Variants in AP3B1 observed in about 807,000 individuals in gnomAD.
The protein encoded by AP3B1 is AP-3 complex subunit beta-1.
AP3B1 carries 61 observed loss-of-function variants against 132.5 expected under a neutral mutation model. The observed-to-expected ratio is 0.46, with a 90% CI of 0.37 to 0.57. AP3B1 has a LOEUF of 0.57. Among genes scored for constraint, AP3B1 ranks in the 20% least tolerant of loss-of-function variants. The probability of loss-of-function intolerance (pLI) is 0.00; values close to 1 mark genes in which losing one functional copy is unlikely to be tolerated. For missense variants in AP3B1, 1,120 were observed against 1,289.4 expected, an observed-to-expected ratio of 0.87 and a Z score of 2.01; for synonymous variants, 388 against 438.3, an observed-to-expected ratio of 0.89 and a Z score of 1.43.
intron 1 of AP3B1, among the ~76,000 whole-genome samples, chr5:78,292,786 G>A (rs779813933): frequency 6.6e-6 from 1 of 151,288 alleles, no homozygotes; most frequent in Non-Finnish European, 1.5e-5. Flanking sequence ...CAACCTGTTA[G>A]GTCACCTCAA....
At chr5:78,168,083 G>T (rs2112383857) in intron 11 of AP3B1, among the ~76,000 whole-genome samples, 1 of 151,546 alleles carries the variant, frequency 6.6e-6, no homozygotes, top group Middle Eastern at 3.5e-3. Flanking sequence ...GGCAAAGACT[G>T]TAGGAGGAGT....
chr5:78,250,955 G>T (rs1747605625), intron 2 of AP3B1, among the ~76,000 whole-genome samples: 1 of 151,990 alleles, frequency 6.6e-6, no homozygotes, highest in African/African-American at 2.4e-5. Flanking sequence ...AATTTGACAG[G>T]GGAGAAGACA....
At chr5:78,005,130 C>G (rs546838085) in intron 26 of AP3B1, among the ~76,000 whole-genome samples, 65 of 152,332 alleles carry the variant, frequency 4.3e-4, no homozygotes, top group Non-Finnish European at 7.9e-4. Context: ...ATTTATGCAA[C>G]TTTTCCCACA....
intron 14 of AP3B1, among the ~76,000 whole-genome samples, chr5:78,144,303 C>T (rs1446229270): frequency 2.0e-5 from 3 of 152,172 alleles, no homozygotes; most frequent in African/African-American, 7.2e-5. Flanking sequence ...GCAGTTTCCA[C>T]GGCCACCACA....
chr5:78,177,476 T>C, intron 8 of AP3B1, 40 bp from the exon 9 acceptor site: 2 of 1,393,316 alleles, frequency 1.4e-6, no homozygotes, highest in Non-Finnish European at 2.0e-6. Flanking sequence ...CTATGAACAC[T>C]AGAGCACTCT....
chr5:78,233,938 A>T (rs1293767122), intron 3 of AP3B1, among the ~76,000 whole-genome samples: 1 of 152,174 alleles, frequency 6.6e-6, no homozygotes, highest in Non-Finnish European at 1.5e-5. Flanking sequence ...CTCTTCCCCT[A>T]AGAGCATCTG....
At chr5:78,070,680 C>G (rs1004951279) in intron 22 of AP3B1, among the ~76,000 whole-genome samples, 2 of 151,190 alleles carry the variant, frequency 1.3e-5, no homozygotes, top group Non-Finnish European at 2.9e-5. Context: ...GGTCTGATAT[C>G]CAGAATCTAA....
chr5:78,285,448 T>C (rs76834653), intron 1 of AP3B1, among the ~76,000 whole-genome samples: 1,528 of 152,246 alleles, frequency 0.01, 23 homozygotes, highest in African/African-American at 0.034. Context: ...ACTCCAGGAA[T>C]GTCCCAGGAC....
At chr5:78,028,196 G>A (rs1425783639) in intron 24 of AP3B1, among the ~76,000 whole-genome samples, 2 of 144,238 alleles carry the variant, frequency 1.4e-5, no homozygotes, top group Admixed American at 7.3e-5. Context: ...TGTGGCTCAC[G>A]CCTGTAATGG....
At chr5:78,150,073 G>C (rs1219650628) in intron 14 of AP3B1, among the ~76,000 whole-genome samples, 1 of 151,910 alleles carries the variant, frequency 6.6e-6, no homozygotes, top group Non-Finnish European at 1.5e-5. Flanking sequence ...CATTACCCTT[G>C]ACTACACAAA....
chr5:78,243,919 T>C (rs534756450), intron 2 of AP3B1, among the ~76,000 whole-genome samples: 1 of 152,314 alleles, frequency 6.6e-6, no homozygotes, highest in Non-Finnish European at 1.5e-5. Context: ...CATCATTAAA[T>C]ATTTAGCAAT....
Position 78,039,292 on chromosome 5 carries a change from A to C in AP3B1, c.2578-18T>G. The C allele has an allele frequency of 6.4e-7, 1 of 1,566,322 alleles. No homozygotes were observed. Among genetic ancestry groups the C allele is most frequent in the Non-Finnish European group, 8.8e-7 (1 of 1,136,518 alleles). On this transcript the variant is annotated intron_variant, in intron 22 of 26. Coordinates refer to ENST00000255194, the MANE Select transcript of AP3B1 (RefSeq NM_003664.5). ...GTACTGACCTATTACACACGGCAAA[A>C]AGAAAAAAAGATGAGTTAGTGAATA... is the stretch of plus-strand genomic sequence containing the variant.
At chr5:78,062,549 G>A (rs1236599492) in intron 22 of AP3B1, among the ~76,000 whole-genome samples, 1 of 152,124 alleles carries the variant, frequency 6.6e-6, no homozygotes, top group Non-Finnish European at 1.5e-5. Context: ...ATAGATAAAA[G>A]TTTACTTAAA....
chr5:78,278,468 G>A (rs1424606654), intron 1 of AP3B1, among the ~76,000 whole-genome samples: 1 of 128,144 alleles, frequency 7.8e-6, no homozygotes, highest in African/African-American at 2.6e-5. Flanking sequence ...GCGTAGTGGC[G>A]GGCGCCTGTA....
intron 22 of AP3B1, among the ~76,000 whole-genome samples, chr5:78,056,607 A>G (rs962849538): frequency 2.0e-5 from 3 of 152,118 alleles, no homozygotes; most frequent in Admixed American, 2.0e-4. Context: ...CTTCCCCCGC[A>G]TCTGTTTTTC....
chr5:78,230,191 A>C (rs1746585582), intron 3 of AP3B1, among the ~76,000 whole-genome samples: 1 of 152,230 alleles, frequency 6.6e-6, no homozygotes. Flanking sequence ...TTTTAAAATT[A>C]TTTTAAATGA....
At chr5:78,138,704 T>C (rs1753013961) in intron 15 of AP3B1, among the ~76,000 whole-genome samples, 1 of 151,164 alleles carries the variant, frequency 6.6e-6, no homozygotes, top group African/African-American at 2.4e-5. Flanking sequence ...AAATATAAAA[T>C]ATCACGTCTG....
intron 11 of AP3B1, 32 bp downstream of exon 11, chr5:78,175,594 T>TAA: frequency 6.4e-7 from 1 of 1,565,950 alleles, no homozygotes; most frequent in African/African-American, 1.4e-5. Context: ...ACAAATGTGT[T>TAA]AAAAGCCTCT....
intron 22 of AP3B1, among the ~76,000 whole-genome samples, chr5:78,085,039 C>A (rs1018885605): frequency 7.3e-6 from 1 of 137,630 alleles, no homozygotes; most frequent in Admixed American, 6.8e-5. Context: ...CAACCATGCA[C>A]ATAAATCTGT....
Sources: allele counts gnomAD v4.1 joint callset (sites outside exome capture counted in the v4.1 genomes callset), GRCh38; gene constraint gnomAD v4.1.1; transcripts MANE v1.5; gene names NCBI Gene and HGNC (gene_info 2026-07-23, HGNC 2026-07-21).